The following CCDC7 variants were observed in gnomAD, a reference collection of about 807,000 sequenced individuals.
CCDC7 encodes the protein coiled-coil domain containing 7, also known as coiled-coil domain-containing protein 7.
A neutral mutation model predicts 196.9 loss-of-function variants in CCDC7; 183 were observed. The observed-to-expected ratio is 0.93, with a 90% CI of 0.82 to 1.05. CCDC7 has a LOEUF of 1.05. CCDC7 is among the 50% of genes least tolerant of loss of function. CCDC7 has a pLI of 0.00. For synonymous variants in CCDC7, 525 were observed against 484.6 expected (o/e 1.08, Z -1.10); for missense variants, 1,540 against 1,482.2 (o/e 1.04, Z -0.64).
intron 28 of CCDC7, among the ~76,000 whole-genome samples, chr10:32,769,304 T>C (rs1427226942): frequency 6.6e-6 from 1 of 152,150 alleles, no homozygotes; most frequent in Non-Finnish European, 1.5e-5. Context: ...TAGTTATTCA[T>C]GTACTCTGAT....
chr10:32,629,289 TA>T (rs1264403150), intron 18 of CCDC7, among the ~76,000 whole-genome samples: 1 of 152,166 alleles, frequency 6.6e-6, no homozygotes, highest in Non-Finnish European at 1.5e-5. Flanking sequence ...ACTGGAAGTT[TA>T]TTTTTTTGAT....
intron 23 of CCDC7, among the ~76,000 whole-genome samples, 167 bp from the exon 25 acceptor site, chr10:32,694,712 A>G (rs2077487061): frequency 1.3e-5 from 2 of 152,200 alleles, no homozygotes; most frequent in African/African-American, 2.4e-5. Flanking sequence ...CCACACACCC[A>G]TTAAAAATGT....
At chr10:32,635,412 T>C (rs1386480562) in intron 20 of CCDC7, among the ~76,000 whole-genome samples, 2 of 152,200 alleles carry the variant, frequency 1.3e-5, no homozygotes, top group Non-Finnish European at 1.5e-5. Context: ...AATGTACATA[T>C]AAATTTAAAA....
chr10:32,580,375 T>G (rs1023447903), intron 16 of CCDC7, among the ~76,000 whole-genome samples: 8 of 152,194 alleles, frequency 5.3e-5, no homozygotes, highest in African/African-American at 1.9e-4. Flanking sequence ...TTAGTCATCT[T>G]GGACTTTTAC....
At chr10:32,519,578 T>TA (rs35939392) in intron 11 of CCDC7, among the ~76,000 whole-genome samples, 1 of 151,890 alleles carries the variant, frequency 6.6e-6, no homozygotes, top group Non-Finnish European at 1.5e-5. Context: ...TTAAAACATT[T>TA]AAAAAAATTT....
Position 32,518,088 on chromosome 10 carries a change from A to G in CCDC7, c.903+113A>G, listed in dbSNP as rs1009481675. The G allele has an allele frequency of 2.3e-6, 3 of 1,323,558 alleles. No homozygotes were observed. The African/African-American group carries it at 4.6e-5, about 20-fold the overall frequency. 82.0% of individuals were successfully genotyped at this position (1,323,558 alleles called of 1,614,324 possible). A position where few individuals can be genotyped will look rare whatever the true frequency, so the allele number is the denominator to read the frequency against. On this transcript the variant is annotated intron_variant, in intron 10 of 41. Coordinates refer to ENST00000639629, the Ensembl canonical transcript of CCDC7. ...TAAAGATCCAATCCTTACTTAGTTT[A>G]TTTAAGAGATTTGTATGCATATGTG...
At chr10:32,503,744 C>G (rs543804039) in intron 9 of CCDC7, among the ~76,000 whole-genome samples, 1 of 152,070 alleles carries the variant, frequency 6.6e-6, no homozygotes, top group Non-Finnish European at 1.5e-5. Flanking sequence ...GCCATGAAGC[C>G]AGGAAGTCTT....
At chr10:32,704,973 T>C (rs1291487706) in intron 24 of CCDC7, among the ~76,000 whole-genome samples, 1 of 152,160 alleles carries the variant, frequency 6.6e-6, no homozygotes, top group South Asian at 2.1e-4. Flanking sequence ...GGTGAGGCGA[T>C]GCCTCGCCCT....
intron 28 of CCDC7, among the ~76,000 whole-genome samples, chr10:32,770,772 T>C (rs1185673892): frequency 6.6e-6 from 1 of 152,200 alleles, no homozygotes; most frequent in Admixed American, 6.6e-5. Flanking sequence ...CAGTGTTTGG[T>C]ACATATAAAT....
At position 32,456,240 on chromosome 10, in the gene CCDC7, C is replaced by A. The variant is rs769396847; in HGVS notation, c.373-11C>A. The A allele has an allele frequency of 5.3e-6, 8 of 1,515,494 alleles. 1 individual carries two copies. Among genetic ancestry groups the A allele is most frequent in the Admixed American group, 1.8e-5 (1 of 54,880 alleles). The allele number at this position is 1,515,494 out of a possible 1,614,324, so 93.9% of individuals were successfully genotyped here. ...AAATGTAACTTTATGTTTTATTATT[C>A]TTTTCAAAAGGTTGGGGATGATATG... is the stretch of plus-strand genomic sequence containing the variant. On this transcript the variant is annotated splice_polypyrimidine_tract_variant and intron_variant, in intron 2 of 41. Coordinates refer to ENST00000639629, the Ensembl canonical transcript of CCDC7.
intron 23 of CCDC7, among the ~76,000 whole-genome samples, chr10:32,691,801 C>A (rs1364182884): frequency 6.6e-6 from 1 of 152,188 alleles, no homozygotes; most frequent in Admixed American, 6.5e-5. Flanking sequence ...ATTGTAGCCT[C>A]TGCAGATGAT....
At chr10:32,821,704 C>G (rs191479471) in intron 31 of CCDC7, among the ~76,000 whole-genome samples, 1 of 151,930 alleles carries the variant, frequency 6.6e-6, no homozygotes, top group Non-Finnish European at 1.5e-5. Context: ...AGCAAACTAT[C>G]GCAAGGCCAA....
At chr10:32,878,789 T>A (rs2094683905), downstream of CCDC7, among the ~76,000 whole-genome samples, 1 of 152,154 alleles carries the variant, frequency 6.6e-6, no homozygotes. Context: ...AGGGAGTATT[T>A]CTCTAGTCTT....
chr10:32,657,933 G>A (rs1408439810), intron 20 of CCDC7, among the ~76,000 whole-genome samples: 1 of 152,162 alleles, frequency 6.6e-6, no homozygotes, highest in Non-Finnish European at 1.5e-5. Context: ...GATCTGTAGG[G>A]CAGGGGCAAA....
chr10:32,458,808 T>A (rs1351685266), intron 3 of CCDC7, among the ~76,000 whole-genome samples: 1 of 152,156 alleles, frequency 6.6e-6, no homozygotes, highest in Non-Finnish European at 1.5e-5. Flanking sequence ...TAATAATTAA[T>A]ATTGTTAAAA....
Position 32,773,862 on chromosome 10 carries a change from T to C in CCDC7, c.2906-5115T>C, listed in dbSNP as rs546095247. On this transcript the variant is annotated intron_variant, in intron 28 of 41. Coordinates refer to ENST00000639629, the Ensembl canonical transcript of CCDC7. ...ACTGGTCTGCTCTTGCTTCTGAGTC[T>C]GGGGAAGACTTATAGTGAGAACTGG... 2.6e-5 allele frequency among the ~76,000 whole-genome samples: 4 copies of C among 152,292 alleles called. No individual in the cohort carries two copies. In the South Asian group the frequency reaches 8.3e-4, roughly 32 times the overall value.
exon 1 of CCDC7, chr10:32,451,725 A>C: frequency 1.2e-6 from 2 of 1,614,158 alleles, no homozygotes; most frequent in Non-Finnish European, 1.7e-6. Context: ...GGACTACATA[A>C]TTTACCATTA....
chr10:32,832,009 A>G (rs549641959), intron 32 of CCDC7, among the ~76,000 whole-genome samples: 95 of 152,282 alleles, frequency 6.2e-4, no homozygotes, highest in Non-Finnish European at 1.2e-3. Context: ...GCATCATCAC[A>G]GGTTTGTGAA....
At chr10:32,599,041 G>A (rs993073017) in intron 18 of CCDC7, among the ~76,000 whole-genome samples, 7 of 152,040 alleles carry the variant, frequency 4.6e-5, no homozygotes, top group East Asian at 1.9e-4. Flanking sequence ...AGATCTGTCC[G>A]TTTCTCCCTT....
Sources: allele counts gnomAD v4.1 joint callset (sites outside exome capture counted in the v4.1 genomes callset), GRCh38; gene constraint gnomAD v4.1.1; transcripts MANE v1.5; gene names NCBI Gene and HGNC (gene_info 2026-07-23, HGNC 2026-07-21).